PLD5: variants seen among roughly 807,000 people sequenced by gnomAD.
PLD5 encodes the protein phospholipase D family member 5.
A neutral mutation model predicts 61.1 loss-of-function variants in PLD5; 36 were observed. That is an observed-to-expected ratio of 0.59 (90% CI 0.45 to 0.78). The LOEUF (loss-of-function observed/expected upper bound fraction) is 0.78, where lower values mean the gene tolerates loss of function less well. Ranked by LOEUF, PLD5 falls within the 30% of genes least tolerant of loss-of-function variation. The probability of loss-of-function intolerance (pLI) is 0.00; values close to 1 mark genes in which losing one functional copy is unlikely to be tolerated. For synonymous variants in PLD5, 243 were observed against 242.8 expected, an observed-to-expected ratio of 1.00 and a Z score of -0.01; for missense variants, 515 against 644.4, an observed-to-expected ratio of 0.80 and a Z score of 2.17.
chr1:242,416,678 C>T (rs1326496736), intron 1 of PLD5, among the ~76,000 whole-genome samples: 1 of 152,186 alleles, frequency 6.6e-6, no homozygotes, highest in Non-Finnish European at 1.5e-5. Context: ...GCCCTGGAAA[C>T]ATTTTCAGCT....
intron 4 of PLD5, among the ~76,000 whole-genome samples, chr1:242,220,707 A>ATATTTTATTTTATTTTATTTTATTT (rs71570944): frequency 1.1e-3 from 123 of 108,374 alleles, no homozygotes; most frequent in African/African-American, 3.3e-3. Context: ...TTTTTAATTT[A>ATATTTTATTTTATTTTATTTTATTT]TATTTTATTT....
intron 4 of PLD5, among the ~76,000 whole-genome samples, chr1:242,228,220 T>G (rs768842518): frequency 2.0e-5 from 3 of 152,214 alleles, no homozygotes; most frequent in Non-Finnish European, 4.4e-5. Flanking sequence ...CTACCTACTC[T>G]TGAATTGATA....
intron 1 of PLD5, among the ~76,000 whole-genome samples, chr1:242,495,398 G>A (rs900630610): frequency 1.3e-5 from 2 of 152,080 alleles, no homozygotes; most frequent in Non-Finnish European, 2.9e-5. Flanking sequence ...AAAAGTTTTA[G>A]AAGAATTGGA....
intron 4 of PLD5, among the ~76,000 whole-genome samples, chr1:242,224,669 GA>G (rs1422765007): frequency 2.6e-5 from 4 of 152,136 alleles, no homozygotes; most frequent in African/African-American, 9.7e-5. Context: ...CAGCTCACAG[GA>G]AGCCTTTTCT....
At chr1:242,324,192 G>T (rs1658604225) in intron 2 of PLD5, among the ~76,000 whole-genome samples, 1 of 152,058 alleles carries the variant, frequency 6.6e-6, no homozygotes, top group South Asian at 2.1e-4. Flanking sequence ...GCAAATGACA[G>T]CCGGTTAAAA....
In PLD5 at chr1:242,089,398, T is replaced by C; in HGVS notation, c.*456A>G. 7.5e-6 allele frequency: 3 copies of C among 400,616 alleles called. No individual in the cohort carries two copies. Among genetic ancestry groups the C allele is most frequent in the Admixed American group, 4.3e-5 (1 of 23,364 alleles). 24.8% of individuals were successfully genotyped at this position (400,616 alleles called of 1,614,324 possible). On this transcript the variant is annotated 3_prime_UTR_variant, in exon 10 of 10. Coordinates refer to ENST00000536534, the MANE Select transcript of PLD5 (RefSeq NM_001372062.1). ...CATGCTTAGCTGACTGTGTAGGTCT[T>C]GGAGACGATTTACAAGAATAAACAC...
At chr1:242,110,615 G>A (rs552931092) in intron 7 of PLD5, among the ~76,000 whole-genome samples, 1 of 152,252 alleles carries the variant, frequency 6.6e-6, no homozygotes, top group African/African-American at 2.4e-5. Flanking sequence ...TTCGAGACCA[G>A]CCTGGCCAAC....
rs192542887 is a variant in PLD5, at chr1:242,336,837, A to G, written c.326+11269T>C. 3.3e-3 allele frequency among the ~76,000 whole-genome samples: 496 copies of G among 152,332 alleles called. 3 individuals carry two copies. Among genetic ancestry groups the G allele is most frequent in the African/African-American group, 0.011 (452 of 41,576 alleles). On this transcript the variant is annotated intron_variant, in intron 2 of 9. Coordinates refer to ENST00000536534, the MANE Select transcript of PLD5 (RefSeq NM_001372062.1). ...TAAAACAAGCAAAGTTAAATGAGGTAAATCTAAGATGATGAGTTTTGTAGA... is the reference window on the plus strand; with the variant it reads ...TAAAACAAGCAAAGTTAAATGAGGTGAATCTAAGATGATGAGTTTTGTAGA...
At chr1:242,152,092 C>G (rs1356579992) in intron 5 of PLD5, among the ~76,000 whole-genome samples, 1 of 151,866 alleles carries the variant, frequency 6.6e-6, no homozygotes, top group African/African-American at 2.4e-5. Context: ...AGACTCATCT[C>G]CCTGGGATAA....
At chr1:242,333,099 T>C (rs1659287708) in intron 2 of PLD5, among the ~76,000 whole-genome samples, 1 of 152,046 alleles carries the variant, frequency 6.6e-6, no homozygotes, top group Non-Finnish European at 1.5e-5. Context: ...GGAAAACATA[T>C]GGAATGACCA....
chr1:242,465,637 T>C (rs901978876), intron 1 of PLD5, among the ~76,000 whole-genome samples: 1 of 152,244 alleles, frequency 6.6e-6, no homozygotes, highest in Non-Finnish European at 1.5e-5. Context: ...TCTTCACAAA[T>C]GCCAGGCACG....
At chr1:242,165,715 C>T (rs316897) in intron 5 of PLD5, among the ~76,000 whole-genome samples, 51,026 of 152,008 alleles carry the variant, frequency 0.34, 8,852 homozygotes, top group South Asian at 0.44. Flanking sequence ...AGGGCTCGGT[C>T]ATCCTTGATG....
chr1:242,528,952 C>A (rs894394825), upstream of PLD5, among the ~76,000 whole-genome samples: 12 of 152,110 alleles, frequency 7.9e-5, no homozygotes, highest in African/African-American at 2.7e-4. Context: ...ATACTTAGAC[C>A]TTCCCTAACA....
chr1:242,116,091 T>C (rs1661924121), intron 6 of PLD5, among the ~76,000 whole-genome samples: 1 of 152,190 alleles, frequency 6.6e-6, no homozygotes, highest in South Asian at 2.1e-4. Context: ...GGGACATAAA[T>C]AATGCCAGGA....
intron 5 of PLD5, among the ~76,000 whole-genome samples, chr1:242,151,077 C>T (rs779408200): frequency 1.3e-5 from 2 of 151,824 alleles, no homozygotes; most frequent in Non-Finnish European, 2.9e-5. Context: ...AAGGACCTCA[C>T]AACAATATAC....
intron 1 of PLD5, among the ~76,000 whole-genome samples, chr1:242,440,996 T>G (rs1310118553): frequency 6.6e-6 from 1 of 152,170 alleles, no homozygotes; most frequent in Non-Finnish European, 1.5e-5. Flanking sequence ...GAAGGAAAAT[T>G]GGAAAAGCAT....
chr1:242,435,917 C>A (rs150952554), intron 1 of PLD5, among the ~76,000 whole-genome samples: 4 of 152,306 alleles, frequency 2.6e-5, no homozygotes, highest in African/African-American at 9.6e-5. Context: ...AAAGGTAAGC[C>A]TCTGACTTAT....
chr1:242,168,584 T>C (rs1024519593), intron 5 of PLD5, among the ~76,000 whole-genome samples: 1 of 152,216 alleles, frequency 6.6e-6, no homozygotes, highest in African/African-American at 2.4e-5. Flanking sequence ...GGGGCATTCA[T>C]CTTTAACTCA....
At chr1:242,105,044 G>T (rs1660938435) in intron 8 of PLD5, among the ~76,000 whole-genome samples, 1 of 152,158 alleles carries the variant, frequency 6.6e-6, no homozygotes, top group South Asian at 2.1e-4. Flanking sequence ...ACAGCAGGCA[G>T]CAAGTAAATT....
Sources: gnomAD v4.1 joint callset for allele counts (sites outside exome capture counted in the v4.1 genomes callset) on GRCh38, gnomAD v4.1.1 for gene constraint, MANE v1.5 for transcripts, NCBI Gene and HGNC (gene_info 2026-07-23, HGNC 2026-07-21) for gene names.